METTL25: variants seen among roughly 807,000 people sequenced by gnomAD.
METTL25 encodes the protein probable methyltransferase-like protein 25.
A neutral mutation model predicts 71.6 loss-of-function variants in METTL25; 64 were observed. The ratio of observed to expected loss-of-function variants is 0.89; its 90% CI spans 0.73 to 1.10. The LOEUF (loss-of-function observed/expected upper bound fraction) is 1.10, where lower values mean the gene tolerates loss of function less well. Among genes scored for constraint, METTL25 ranks in the 50% least tolerant of loss-of-function variants. METTL25 has a pLI of 0.00. For missense variants in METTL25, 807 were observed against 707.0 expected (o/e 1.14, Z -1.60); for synonymous variants, 287 against 250.3 (o/e 1.15, Z -1.38).
intron 8 of METTL25, among the ~76,000 whole-genome samples, chr12:82,447,044 A>G (rs974900511): frequency 2.6e-5 from 4 of 152,216 alleles, no homozygotes; most frequent in Non-Finnish European, 5.9e-5. Flanking sequence ...AAAACTTGAA[A>G]TAAATGACCT....
intron 5 of METTL25, among the ~76,000 whole-genome samples, chr12:82,409,193 T>C (rs1035407882): frequency 8.5e-5 from 13 of 152,158 alleles, no homozygotes; most frequent in African/African-American, 3.1e-4. Context: ...CGCAAAGCTC[T>C]ATGAGCCATT....
intron 3 of METTL25, among the ~76,000 whole-genome samples, chr12:82,391,227 A>G (rs1370582930): frequency 6.6e-6 from 1 of 152,094 alleles, no homozygotes. Flanking sequence ...GATTTTATAT[A>G]GAAACCAAGG....
Position 82,358,649 on chromosome 12 carries a change from G to A in METTL25, c.84G>A (p.Arg28=). 1 of 1,614,134 alleles carries A rather than the reference G, an allele frequency of 6.2e-7. No individual in the cohort carries two copies. Among genetic ancestry groups the A allele is most frequent in the South Asian group, 1.1e-5 (1 of 91,082 alleles). ...TGCAGGGACTGCTGCAGTTCCTGAGGGATGCCCTGTCCATTTCCAATGCAC... is the reference window on the plus strand; with the variant it reads ...TGCAGGGACTGCTGCAGTTCCTGAGAGATGCCCTGTCCATTTCCAATGCAC... ...AKLQGLLQFL[R]DALSISNAHT... is the part of the protein sequence containing the mutation. Residue 28 remains arginine, a synonymous_variant, in exon 1 of 12, where the codon AGG becomes AGA. Transcript: ENST00000248306.
At chr12:82,458,562 T>C (rs942867492) in intron 9 of METTL25, among the ~76,000 whole-genome samples, 6 of 152,006 alleles carry the variant, frequency 3.9e-5, no homozygotes, top group Admixed American at 1.3e-4. Flanking sequence ...GAACCACTCA[T>C]AAGAGACCAC....
At chr12:82,413,589 G>A (rs560620092) in intron 5 of METTL25, among the ~76,000 whole-genome samples, 11 of 152,074 alleles carry the variant, frequency 7.2e-5, no homozygotes, top group Non-Finnish European at 1.2e-4. Context: ...GACCTGGATC[G>A]GTTAGCTTTT....
intron 1 of METTL25, among the ~76,000 whole-genome samples, chr12:82,365,646 A>G (rs1882477925): frequency 6.6e-6 from 1 of 152,228 alleles, no homozygotes; most frequent in South Asian, 2.1e-4. Context: ...TTGTTGTTTA[A>G]TGGAATCTAG....
intron 5 of METTL25, among the ~76,000 whole-genome samples, chr12:82,410,839 T>TA (rs1887507513): frequency 6.6e-6 from 1 of 152,082 alleles, no homozygotes; most frequent in South Asian, 2.1e-4. Flanking sequence ...GAAATGTCCA[T>TA]ACTAAGCCAT....
intron 8 of METTL25, among the ~76,000 whole-genome samples, chr12:82,439,255 T>A (rs1890152831): frequency 6.6e-6 from 1 of 151,736 alleles, no homozygotes; most frequent in Admixed American, 6.6e-5. Context: ...AGTAGAATAC[T>A]AGCACTACAT....
chr12:82,388,468 G>A (rs970760909), intron 2 of METTL25, among the ~76,000 whole-genome samples: 1 of 151,944 alleles, frequency 6.6e-6, no homozygotes, highest in Admixed American at 6.6e-5. Context: ...GGCTGTAGTC[G>A]ACTGGCAATG....
intron 1 of METTL25, among the ~76,000 whole-genome samples, chr12:82,380,062 C>G (rs1884276347): frequency 1.3e-5 from 2 of 152,166 alleles, no homozygotes; most frequent in Non-Finnish European, 2.9e-5. Flanking sequence ...ATTGTTAGGA[C>G]ACTCAGTAAC....
chr12:82,378,908 C>T (rs1405053073), intron 1 of METTL25, among the ~76,000 whole-genome samples: 1 of 151,922 alleles, frequency 6.6e-6, no homozygotes, highest in African/African-American at 2.4e-5. Context: ...TGGTGCATGC[C>T]CTTATCCCAG....
intron 1 of METTL25, among the ~76,000 whole-genome samples, chr12:82,367,769 T>G (rs938818209): frequency 2.0e-5 from 3 of 152,210 alleles, no homozygotes; most frequent in African/African-American, 7.2e-5. Flanking sequence ...AATAAAGTTC[T>G]TCACCTTTGG....
At chr12:82,397,564 T>G (rs1886187611) in intron 3 of METTL25, among the ~76,000 whole-genome samples, 1 of 152,050 alleles carries the variant, frequency 6.6e-6, no homozygotes, top group African/African-American at 2.4e-5. Context: ...TCAGATAACA[T>G]TTTTTTCTAT....
intron 8 of METTL25, among the ~76,000 whole-genome samples, chr12:82,447,552 G>A (rs1890843063): frequency 6.6e-6 from 1 of 152,082 alleles, no homozygotes; most frequent in Admixed American, 6.5e-5. Flanking sequence ...TAATTTAGGA[G>A]TATAAATATG....
chr12:82,427,092 A>G (rs1181068752), intron 5 of METTL25, among the ~76,000 whole-genome samples: 1 of 151,990 alleles, frequency 6.6e-6, no homozygotes, highest in Non-Finnish European at 1.5e-5. Flanking sequence ...ACAGTCAGTC[A>G]TTATCAAAAT....
At chr12:82,389,683 A>C in intron 2 of METTL25, 133 bp from the exon 3 acceptor site, 1 of 532,724 alleles carries the variant, frequency 1.9e-6, no homozygotes, top group South Asian at 2.4e-5. Flanking sequence ...AAGCTAGTAG[A>C]GATCTATCCA....
chr12:82,443,462 CAAA>C (rs67737833), intron 8 of METTL25, among the ~76,000 whole-genome samples: 24 of 96,594 alleles, frequency 2.5e-4, no homozygotes, highest in Non-Finnish European at 3.1e-4. Context: ...CAGAGGAGAC[CAAA>C]AAAAAAAAAA....
intron 5 of METTL25, among the ~76,000 whole-genome samples, chr12:82,405,707 G>GTTC (rs963527566): frequency 2.6e-4 from 39 of 152,274 alleles, no homozygotes; most frequent in African/African-American, 9.1e-4. Flanking sequence ...CCTAAAGGAA[G>GTTC]AAAGAAGCAA....
chr12:82,461,139 T>G (rs544407890), intron 9 of METTL25, among the ~76,000 whole-genome samples: 1 of 152,148 alleles, frequency 6.6e-6, no homozygotes, highest in African/African-American at 2.4e-5. Context: ...CAAGACTCCG[T>G]CTCCAAAAAA....
Sources: allele counts gnomAD v4.1 joint callset (sites outside exome capture counted in the v4.1 genomes callset), GRCh38; gene constraint gnomAD v4.1.1; transcripts MANE v1.5; gene names NCBI Gene and HGNC (gene_info 2026-07-23, HGNC 2026-07-21).